Variants in PTK2B observed in about 807,000 individuals in gnomAD.
PTK2B encodes the protein protein tyrosine kinase 2 beta, also known as protein-tyrosine kinase 2-beta.
A neutral mutation model predicts 142.9 loss-of-function variants in PTK2B; 71 were observed. The ratio of observed to expected loss-of-function variants is 0.50; its 90% CI spans 0.41 to 0.61. The LOEUF (loss-of-function observed/expected upper bound fraction) is 0.61. Ranked by LOEUF, PTK2B falls within the 20% of genes least tolerant of loss-of-function variation. PTK2B has a pLI of 0.00. For missense variants in PTK2B, 1,105 were observed against 1,320.4 expected, an observed-to-expected ratio of 0.84 and a Z score of 2.53; for synonymous variants, 519 against 503.4, an observed-to-expected ratio of 1.03 and a Z score of -0.42.
At chr8:27,425,895 G>A (rs1364569653) in intron 5 of PTK2B, among the ~76,000 whole-genome samples, 1 of 152,078 alleles carries the variant, frequency 6.6e-6, no homozygotes, top group Non-Finnish European at 1.5e-5. Context: ...TTCATTTATT[G>A]GAGGTGCTTT....
chr8:27,426,420 A>C (rs1041958569), intron 5 of PTK2B, among the ~76,000 whole-genome samples: 1 of 152,174 alleles, frequency 6.6e-6, no homozygotes. Flanking sequence ...AGCCTCACTC[A>C]GTGTTGGCGG....
intron 1 of PTK2B, among the ~76,000 whole-genome samples, chr8:27,352,558 G>T (rs1025900338): frequency 1.3e-5 from 2 of 152,146 alleles, no homozygotes; most frequent in African/African-American, 2.4e-5. Flanking sequence ...CACTTATTTG[G>T]ATACACATTA....
chr8:27,379,655 C>T (rs1466217804), intron 1 of PTK2B, among the ~76,000 whole-genome samples: 3 of 152,172 alleles, frequency 2.0e-5, no homozygotes, highest in Admixed American at 6.5e-5. Flanking sequence ...TTGAATATGC[C>T]TAAGTAGTCT....
At chr8:27,394,827 T>A (rs1198251330) in intron 1 of PTK2B, among the ~76,000 whole-genome samples, 1 of 152,188 alleles carries the variant, frequency 6.6e-6, no homozygotes. Flanking sequence ...TAAAGATTTT[T>A]ATTTTTTATT....
At chr8:27,451,210 G>A (rs1811790436) in intron 26 of PTK2B, 132 bp downstream of exon 26, 2 of 1,163,406 alleles carry the variant, frequency 1.7e-6, no homozygotes. Flanking sequence ...TCCATGTTGG[G>A]AGGGTGTCTT....
chr8:27,316,079 A>G (rs1272576476), intron 3 of PTK2B, among the ~76,000 whole-genome samples: 2 of 152,166 alleles, frequency 1.3e-5, no homozygotes, highest in Non-Finnish European at 2.9e-5. Context: ...TTGATGTTCA[A>G]GTCCTATGTA....
chr8:27,426,907 T>G lies in PTK2B; in HGVS notation c.552-3186T>G, dbSNP rs185601670. ...TTTCAAAATGTGTTTACCCTTTCATTTAGCTAACCCTGTTTTAAAAAATTT... is the reference window on the plus strand; with the variant it reads ...TTTCAAAATGTGTTTACCCTTTCATGTAGCTAACCCTGTTTTAAAAAATTT... On this transcript the variant is annotated intron_variant, in intron 5 of 30. Transcript: ENST00000346049. Among the ~76,000 whole-genome samples the G allele has an allele frequency of 6.3e-4, 96 of 152,336 alleles. 1 individual carries two copies. The highest frequency in any genetic ancestry group is 5.4e-3 in the Admixed American group (83 of 15,300).
At chr8:27,414,123 T>TC (rs1809234426) in intron 2 of PTK2B, among the ~76,000 whole-genome samples, 1 of 152,250 alleles carries the variant, frequency 6.6e-6, no homozygotes, top group Admixed American at 6.5e-5. Context: ...GCACATCTTG[T>TC]ACTTTTCCCC....
At chr8:27,313,732 C>G (rs73241431) in intron 3 of PTK2B, among the ~76,000 whole-genome samples, 11,501 of 152,272 alleles carry the variant, frequency 0.076, 469 homozygotes, top group Middle Eastern at 0.1. Context: ...TATTTTGTCT[C>G]TTAATGTGCA....
intron 13 of PTK2B, 99 bp from the exon 14 acceptor site, chr8:27,435,644 G>C: frequency 7.0e-7 from 1 of 1,428,282 alleles, no homozygotes; most frequent in Non-Finnish European, 9.8e-7. Flanking sequence ...CTACCCCCTT[G>C]GGCTCCACTG....
At chr8:27,456,848 C>T (rs1812169677) in intron 30 of PTK2B, among the ~76,000 whole-genome samples, 2 of 152,194 alleles carry the variant, frequency 1.3e-5, no homozygotes, top group Admixed American at 1.3e-4. Context: ...ATCAAGCCAG[C>T]CACAACATCC....
At chr8:27,449,354 A>G (rs1175886310) in intron 24 of PTK2B, among the ~76,000 whole-genome samples, 3 of 152,242 alleles carry the variant, frequency 2.0e-5, no homozygotes. Flanking sequence ...TGAGGTTAGT[A>G]ATTGAAGCTC....
chr8:27,391,565 A>T (rs374426275), intron 1 of PTK2B, among the ~76,000 whole-genome samples: 6 of 152,314 alleles, frequency 3.9e-5, no homozygotes, highest in African/African-American at 1.2e-4. Context: ...TGTGATATTT[A>T]TTCCTGTAAC....
chr8:27,393,819 T>C (rs1242104581), intron 1 of PTK2B, among the ~76,000 whole-genome samples: 1 of 151,988 alleles, frequency 6.6e-6, no homozygotes, highest in Non-Finnish European at 1.5e-5. Context: ...TTTGTCACAG[T>C]CCATGAACCT....
upstream of PTK2B, among the ~76,000 whole-genome samples, chr8:27,324,206 C>A (rs1295495609): frequency 6.6e-6 from 1 of 152,220 alleles, no homozygotes; most frequent in Non-Finnish European, 1.5e-5. Context: ...CCTCTCCATC[C>A]CTGGCCAAGT....
chr8:27,379,678 C>T (rs919983336), intron 1 of PTK2B, among the ~76,000 whole-genome samples: 3 of 152,182 alleles, frequency 2.0e-5, no homozygotes, highest in Non-Finnish European at 4.4e-5. Context: ...TCATTACTTA[C>T]CTTTTAGCAC....
chr8:27,438,125 A>AT, intron 18 of PTK2B: 1 of 452,688 alleles, frequency 2.2e-6, no homozygotes, highest in Admixed American at 3.4e-5. Context: ...GTCTGTCTAT[A>AT]TATCAAGACC....
intron 28 of PTK2B, chr8:27,453,919 T>C: frequency 1.9e-6 from 1 of 520,204 alleles, no homozygotes; most frequent in Non-Finnish European, 3.4e-6. Flanking sequence ...AGGTGGTGGT[T>C]CTAATAGTCT....
chr8:27,362,719 C>T (rs1040358427), intron 1 of PTK2B, among the ~76,000 whole-genome samples: 3 of 152,100 alleles, frequency 2.0e-5, no homozygotes, highest in African/African-American at 7.2e-5. Flanking sequence ...AGGGACCCAG[C>T]CTCGGGAGCC....
Sources: allele counts gnomAD v4.1 joint callset (sites outside exome capture counted in the v4.1 genomes callset), GRCh38; gene constraint gnomAD v4.1.1; transcripts MANE v1.5; gene names NCBI Gene and HGNC (gene_info 2026-07-23, HGNC 2026-07-21).